The following DIPK2B variants were observed in gnomAD, a reference collection of about 807,000 sequenced individuals.
The protein encoded by DIPK2B is divergent protein kinase domain 2B, also known as UPF0672 protein CXorf36.
A neutral mutation model predicts 22.2 loss-of-function variants in DIPK2B; 15 were observed. The observed-to-expected ratio is 0.68, with a 90% CI of 0.45 to 1.04. DIPK2B has a LOEUF of 1.04. DIPK2B is among the 50% of genes least tolerant of loss of function. The pLI is 0.00. For missense variants in DIPK2B, 345 were observed against 348.3 expected, an observed-to-expected ratio of 0.99 and a Z score of 0.08; for synonymous variants, 163 against 153.2, an observed-to-expected ratio of 1.06 and a Z score of -0.47.
chrX:45,163,840 T>G, intron 2 of DIPK2B: 1 of 810,013 alleles, frequency 1.2e-6, no homozygotes, highest in African/African-American at 2.2e-5. Context: ...TCAGGTTCTA[T>G]CTCATAGGGA....
chrX:45,185,744 C>G (rs1243038791), intron 2 of DIPK2B, among the ~76,000 whole-genome samples: 2 of 104,970 alleles, frequency 1.9e-5, no homozygotes, highest in East Asian at 6.0e-4. Context: ...CCTCCGCCTC[C>G]TGGGTTCACA....
intron 4 of DIPK2B, among the ~76,000 whole-genome samples, chrX:45,153,522 GA>G (rs2046972325): frequency 1.0e-5 from 1 of 96,449 alleles, no homozygotes; most frequent in Non-Finnish European, 2.0e-5. Flanking sequence ...GTGTGTGTGT[GA>G]CAGAGAGAGA....
chrX:45,195,174 G>A (rs139360709), intron 1 of DIPK2B, among the ~76,000 whole-genome samples: 126 of 112,678 alleles, frequency 1.1e-3, no homozygotes, highest in African/African-American at 3.1e-3. Context: ...GTGAGAAAAT[G>A]TCAGTGCTTT....
chrX:45,178,452 T>C (rs2047130840), intron 2 of DIPK2B, among the ~76,000 whole-genome samples: 1 of 111,454 alleles, frequency 9.0e-6, no homozygotes. Context: ...AGCTCTAAAA[T>C]CTGGGCAAAA....
At chrX:45,199,111 T>G (rs2047254739) in intron 1 of DIPK2B, among the ~76,000 whole-genome samples, 1 of 112,176 alleles carries the variant, frequency 8.9e-6, no homozygotes, top group Non-Finnish European at 1.9e-5. Context: ...TTAAAAACGC[T>G]TAATATGCCT....
Position 45,200,815 on chromosome X carries a change from C to CT in DIPK2B, c.11dup (p.Leu5AlafsTer4). The stretch of plus-strand genomic sequence containing the variant: ...GGAGGGCGGCAGCCTCAGGCCCCAG[C>CT]TGGGGCTCCATCTTGGGCTCTGGGC... On this transcript the variant is annotated frameshift_variant, in exon 1 of 5. Coordinates refer to ENST00000398000, the MANE Select transcript of DIPK2B (RefSeq NM_176819.4). LOFTEE classifies it high-confidence loss of function. 8.4e-7 allele frequency: 1 copy of CT among 1,185,393 alleles called. No individual in the cohort carries two copies. The highest frequency in any genetic ancestry group is 3.1e-5 in the East Asian group (1 of 32,492).
intron 2 of DIPK2B, chrX:45,163,849 G>C (rs2047034285): frequency 1.2e-6 from 1 of 820,927 alleles, no homozygotes. Context: ...ATCTCATAGG[G>C]AAGACCTGTC....
intron 2 of DIPK2B, among the ~76,000 whole-genome samples, chrX:45,171,961 C>T (rs1353210749): frequency 8.9e-6 from 1 of 112,026 alleles, no homozygotes; most frequent in Non-Finnish European, 1.9e-5. Flanking sequence ...GTGTGTACCC[C>T]AACCCACAAT....
rs778920439 is a variant in DIPK2B, at chrX:45,191,857, G to T, written c.392C>A (p.Ala131Asp). 22 of 1,211,940 alleles carry T rather than the reference G, an allele frequency of 1.8e-5. No homozygotes were observed. Among genetic ancestry groups the T allele is most frequent in the South Asian group, 7.0e-5 (4 of 57,026 alleles). Residue 131 changes from alanine to aspartate, a missense_variant, in exon 2 of 5, where the codon GCC becomes GAC. Coordinates refer to ENST00000398000, the MANE Select transcript of DIPK2B (RefSeq NM_176819.4). Reference protein sequence around the residue: ...QNEISDRRICASASAPKTCSI... With the variant: ...QNEISDRRICDSASAPKTCSI... ...GCAGGTCTTTGGGGCTGATGCAGAG[G>T]CACAGATTCTCCTGTCTGAGATCTC...
intron 2 of DIPK2B, among the ~76,000 whole-genome samples, chrX:45,158,426 A>G (rs2047006901): frequency 9.0e-6 from 1 of 111,559 alleles, no homozygotes; most frequent in Admixed American, 9.4e-5. Context: ...GGCTGAATTC[A>G]TTCCCTGCCA....
chrX:45,196,972 C>G (rs2047242104), intron 1 of DIPK2B, among the ~76,000 whole-genome samples: 1 of 111,648 alleles, frequency 9.0e-6, no homozygotes, highest in African/African-American at 3.3e-5. Flanking sequence ...AGCATTCTTG[C>G]CAAAGGAAAG....
intron 1 of DIPK2B, among the ~76,000 whole-genome samples, chrX:45,198,507 A>T (rs1325565387): frequency 9.0e-6 from 1 of 111,102 alleles, no homozygotes; most frequent in Non-Finnish European, 1.9e-5. Flanking sequence ...TCACGGGCAC[A>T]TGGAACATGA....
At chrX:45,186,222 G>C (rs767294670) in intron 2 of DIPK2B, among the ~76,000 whole-genome samples, 1 of 111,852 alleles carries the variant, frequency 8.9e-6, no homozygotes, top group South Asian at 3.7e-4. Context: ...TGACTGGAAG[G>C]AGAAAATGGG....
chrX:45,167,174 T>C (rs1281766036), intron 2 of DIPK2B, among the ~76,000 whole-genome samples: 1 of 112,147 alleles, frequency 8.9e-6, no homozygotes, highest in Admixed American at 9.4e-5. Flanking sequence ...TAATGAAAAC[T>C]CTTTTTTGGT....
rs1387259533 is a variant in DIPK2B at position 45,151,669 on chromosome X, A to C, written c.1285T>G (p.Tyr429Asp). 1 of 1,211,277 alleles carries C rather than the reference A, an allele frequency of 8.3e-7. No homozygotes were observed. Among genetic ancestry groups the C allele is most frequent in the South Asian group, 1.8e-5 (1 of 56,893 alleles). The change falls in exon 5 of 5, where the codon TAT (tyrosine) becomes GAT (aspartate). Residue 429 changes from tyrosine (Y) to aspartate (D), a missense_variant. By Grantham distance (160) the Tyr-to-Asp change is radical. Transcript: ENST00000398000. ...CCAGCCCTTCAGAACTTATCGTTAT[A>C]TTTGCAATCTGGGTAACGATAGGCA... Reference protein sequence around the residue: ...RFAYRYPDCKYNDKF With the variant: ...RFAYRYPDCKDNDKF
At chrX:45,159,602 G>T (rs1336605932) in intron 2 of DIPK2B, among the ~76,000 whole-genome samples, 1 of 111,465 alleles carries the variant, frequency 9.0e-6, no homozygotes, top group Non-Finnish European at 1.9e-5. Context: ...GGACACAAAG[G>T]GAACAAAACA....
rs779050034 is a variant in DIPK2B, at chrX:45,167,432, C to T, written c.499-9544G>A. On this transcript the variant is annotated intron_variant, in intron 2 of 4. Coordinates refer to ENST00000398000, the MANE Select transcript of DIPK2B (RefSeq NM_176819.4). ...GCTTGAGCCTGGGAGGTTGAGGCTG[C>T]GCTGAGCTGTGATTATGCCATATGC... Among the ~76,000 whole-genome samples the T allele has an allele frequency of 1.2e-4, 12 of 98,061 alleles. No homozygotes were observed. The East Asian group carries it at 1.7e-3, about 14-fold the overall frequency. 85.2% of individuals were successfully genotyped at this position (98,061 alleles called of 115,157 possible).
At chrX:45,173,914 C>T (rs2047101931) in intron 2 of DIPK2B, among the ~76,000 whole-genome samples, 1 of 111,452 alleles carries the variant, frequency 9.0e-6, no homozygotes, top group African/African-American at 3.3e-5. Context: ...ATTTCCCCCT[C>T]TTCACTGCCC....
chrX:45,178,785 A>G (rs2047132963), intron 2 of DIPK2B, among the ~76,000 whole-genome samples: 1 of 111,640 alleles, frequency 9.0e-6, no homozygotes, highest in South Asian at 3.8e-4. Flanking sequence ...CTAGAGACCT[A>G]TCAGAGAACC....
Sources: allele counts gnomAD v4.1 joint callset (sites outside exome capture counted in the v4.1 genomes callset), GRCh38; gene constraint gnomAD v4.1.1; transcripts MANE v1.5; gene names NCBI Gene and HGNC (gene_info 2026-07-23, HGNC 2026-07-21).